ROBO1: variants seen among roughly 807,000 people sequenced by gnomAD.
The protein encoded by ROBO1 is roundabout homolog 1.
A neutral mutation model predicts 195.9 loss-of-function variants in ROBO1; 149 were observed. The observed-to-expected ratio is 0.76, with a 90% CI of 0.67 to 0.87. ROBO1 has a LOEUF of 0.87. Ranked by LOEUF, ROBO1 falls within the 40% of genes least tolerant of loss-of-function variation. ROBO1 has a pLI of 0.00. For synonymous variants in ROBO1, 816 were observed against 733.2 expected (o/e 1.11, Z -1.82); for missense variants, 1,933 against 2,068.3 (o/e 0.93, Z 1.27).
intron 14 of ROBO1, among the ~76,000 whole-genome samples, chr3:78,663,459 T>C (rs1707547909): frequency 6.6e-6 from 1 of 152,160 alleles, no homozygotes; most frequent in Non-Finnish European, 1.5e-5. Flanking sequence ...GATTGTCACC[T>C]TTCCATCTCT....
chr3:78,844,138 C>G (rs142805055), intron 4 of ROBO1, among the ~76,000 whole-genome samples: 1 of 152,112 alleles, frequency 6.6e-6, no homozygotes, highest in Non-Finnish European at 1.5e-5. Context: ...TGCTTAGAAG[C>G]AGCCACATTT....
intron 3 of ROBO1, among the ~76,000 whole-genome samples, chr3:79,051,139 C>A (rs1198843018): frequency 1.3e-5 from 2 of 151,542 alleles, no homozygotes; most frequent in African/African-American, 4.8e-5. Flanking sequence ...TTGAAAAGAT[C>A]AAAAAACACA....
At chr3:79,657,491 A>C (rs962511999) in intron 1 of ROBO1, among the ~76,000 whole-genome samples, 1 of 152,112 alleles carries the variant, frequency 6.6e-6, no homozygotes, top group African/African-American at 2.4e-5. Flanking sequence ...AGGAGAAAGG[A>C]AACTTAAAAT....
intron 2 of ROBO1, among the ~76,000 whole-genome samples, chr3:79,443,312 C>T (rs955976173): frequency 6.6e-5 from 10 of 152,112 alleles, no homozygotes; most frequent in African/African-American, 2.4e-4. Context: ...AGAGCTCCAG[C>T]TGAAATACTC....
At chr3:79,180,153 G>A (rs1015766080) in intron 2 of ROBO1, among the ~76,000 whole-genome samples, 3 of 152,140 alleles carry the variant, frequency 2.0e-5, no homozygotes, top group South Asian at 2.1e-4. Flanking sequence ...TCAATGATCA[G>A]TCTTTAGGAT....
intron 3 of ROBO1, among the ~76,000 whole-genome samples, chr3:79,033,246 C>T (rs1446914695): frequency 3.3e-5 from 5 of 152,018 alleles, no homozygotes; most frequent in Non-Finnish European, 5.9e-5. Flanking sequence ...CAATTGTTGG[C>T]ACATTTGTGG....
intron 4 of ROBO1, among the ~76,000 whole-genome samples, chr3:78,868,295 C>T (rs958199812): frequency 4.0e-5 from 6 of 151,798 alleles, no homozygotes; most frequent in Non-Finnish European, 8.8e-5. Context: ...AACAAGATTA[C>T]TTTAAATACT....
At chr3:79,232,784 AC>A (rs1432441599) in intron 2 of ROBO1, among the ~76,000 whole-genome samples, 1 of 152,150 alleles carries the variant, frequency 6.6e-6, no homozygotes, top group Non-Finnish European at 1.5e-5. Flanking sequence ...ATATTTCAAG[AC>A]AAGGAGAATC....
intron 2 of ROBO1, among the ~76,000 whole-genome samples, chr3:79,156,154 T>C (rs1051108109): frequency 2.0e-5 from 3 of 151,678 alleles, no homozygotes; most frequent in African/African-American, 7.3e-5. Context: ...CCGTTTATTC[T>C]GCCCATCTCT....
chr3:78,964,933 G>A (rs972338488), intron 3 of ROBO1, among the ~76,000 whole-genome samples: 1 of 150,596 alleles, frequency 6.6e-6, no homozygotes. Flanking sequence ...ATCCCCCCGT[G>A]CTGGGATTAC....
In ROBO1 at chr3:78,965,932, CATTTT is replaced by C. The variant is rs1170946762; in HGVS notation, c.173-27010_173-27006del. ...TACTTGAAACTGAACTTTATTATTT[CATTTT>C]ATTTTAATCAATTATCTTTAAATGC... is the stretch of plus-strand genomic sequence containing the variant. On this transcript the variant is annotated intron_variant, in intron 3 of 30. Coordinates refer to ENST00000464233, the MANE Select transcript of ROBO1 (RefSeq NM_002941.4). Among the ~76,000 whole-genome samples the C allele has an allele frequency of 2.0e-5, 3 of 152,194 alleles. No homozygotes were observed. The East Asian group carries it at 5.8e-4, about 29-fold the overall frequency.
intron 3 of ROBO1, among the ~76,000 whole-genome samples, chr3:79,086,310 T>C (rs1333120554): frequency 1.3e-5 from 2 of 151,174 alleles, no homozygotes; most frequent in Non-Finnish European, 2.9e-5. Flanking sequence ...ATCTCTTTCA[T>C]GTAAAAAAAA....
chr3:79,043,451 T>G (rs540843234), intron 3 of ROBO1, among the ~76,000 whole-genome samples: 1 of 152,070 alleles, frequency 6.6e-6, no homozygotes, highest in Non-Finnish European at 1.5e-5. Flanking sequence ...ACGAGGTCAC[T>G]AAAGGTCAAA....
intron 2 of ROBO1, among the ~76,000 whole-genome samples, chr3:79,340,476 T>C (rs2034864921): frequency 6.6e-6 from 1 of 152,172 alleles, no homozygotes; most frequent in Middle Eastern, 3.2e-3. Flanking sequence ...GTGAGGTCTC[T>C]AGGTTCAGAG....
intron 2 of ROBO1, among the ~76,000 whole-genome samples, chr3:79,224,323 G>T (rs2082189558): frequency 6.6e-6 from 1 of 152,184 alleles, no homozygotes; most frequent in African/African-American, 2.4e-5. Context: ...CAATTTTCAT[G>T]CTTTCGGAGT....
At chr3:78,616,102 A>C (rs1704095481) in intron 27 of ROBO1, among the ~76,000 whole-genome samples, 1 of 152,182 alleles carries the variant, frequency 6.6e-6, no homozygotes, top group African/African-American at 2.4e-5. Context: ...CTACTGTGTA[A>C]GGCCATCCAC....
Position 78,627,370 on chromosome 3 carries a change from G to C in ROBO1, c.3826C>G (p.Gln1276Glu), listed in dbSNP as rs1170119697. 4 of 1,612,570 alleles carry C rather than the reference G, an allele frequency of 2.5e-6. No individual in the cohort carries two copies. Among genetic ancestry groups the C allele is most frequent in the Non-Finnish European group, 3.4e-6 (4 of 1,179,310 alleles). Residue 1276 changes from glutamine to glutamate, a missense_variant, in exon 26 of 31, where the codon CAG (glutamine) becomes GAG (glutamate). By Grantham distance (29) the Gln-to-Glu change is conservative (BLOSUM62 2). This residue lies in a region of ROBO1 where 1,737 missense variants were observed against 1,882.5 expected (regional missense o/e 0.92). Coordinates refer to ENST00000464233, the MANE Select transcript of ROBO1 (RefSeq NM_002941.4). ...TGGCCAGTCTCCTCTGGACAATCCT[G>C]TAACATGGGCTGGAGTTCTTCCTGT... ...SPQEELQPML[Q>E]DCPEETGHMQ...
intron 10 of ROBO1, among the ~76,000 whole-genome samples, chr3:78,682,581 C>G (rs2080947798): frequency 6.9e-6 from 1 of 145,772 alleles, no homozygotes; most frequent in Non-Finnish European, 1.5e-5. Flanking sequence ...CACATATATA[C>G]AGAGTCATGT....
intron 2 of ROBO1, among the ~76,000 whole-genome samples, chr3:79,560,558 T>TATATATATATACAC (rs5850439): frequency 1.1e-4 from 14 of 129,690 alleles, no homozygotes; most frequent in East Asian, 4.2e-4. Context: ...TATATATATA[T>TATATATATATACAC]ACACATACAC....
Sources: allele counts gnomAD v4.1 joint callset (sites outside exome capture counted in the v4.1 genomes callset), GRCh38; gene constraint gnomAD v4.1.1; regional missense constraint gnomAD v4.1.1; transcripts MANE v1.5; gene names NCBI Gene and HGNC (gene_info 2026-07-23, HGNC 2026-07-21).